Variants in BECN1 observed in about 807,000 individuals in gnomAD.
BECN1 encodes the protein beclin-1.
Under a neutral mutation model 60.1 loss-of-function variants are expected in BECN1, and 15 were observed. The observed-to-expected ratio is 0.25, with a 90% CI of 0.17 to 0.38. The LOEUF (loss-of-function observed/expected upper bound fraction) is 0.38, where lower values mean the gene tolerates loss of function less well. Ranked by LOEUF, BECN1 falls within the 10% of genes least tolerant of loss-of-function variation. BECN1 has a pLI of 1.00. For synonymous variants in BECN1, 179 were observed against 201.8 expected, an observed-to-expected ratio of 0.89 and a Z score of 0.96; for missense variants, 424 against 548.2, an observed-to-expected ratio of 0.77 and a Z score of 2.26.
chr17:42,818,082 G>A, intron 7 of BECN1, 139 bp downstream of exon 7: 3 of 847,928 alleles, frequency 3.5e-6, no homozygotes, highest in Non-Finnish European at 3.6e-6. Context: ...GGGCATGGAA[G>A]CAATATGCAG....
chr17:42,815,836 G>A, intron 8 of BECN1, 72 bp downstream of exon 8: 1 of 1,593,262 alleles, frequency 6.3e-7, no homozygotes, highest in Non-Finnish European at 8.6e-7. Flanking sequence ...TGGGAAGTGG[G>A]CACCCAGGCT....
intron 10 of BECN1, among the ~76,000 whole-genome samples, chr17:42,813,031 A>G (rs2055063102): frequency 7.1e-6 from 1 of 141,056 alleles, no homozygotes; most frequent in Non-Finnish European, 1.5e-5. Context: ...TTTTTAGTAG[A>G]GACGGGGTTT....
intron 2 of BECN1, among the ~76,000 whole-genome samples, chr17:42,823,154 C>T (rs1054562359): frequency 2.0e-5 from 3 of 152,160 alleles, no homozygotes; most frequent in Non-Finnish European, 4.4e-5. Context: ...CTTGGTATTA[C>T]TATATAGTAA....
chr17:42,810,638 T>C lies in BECN1; in HGVS notation c.*122A>G. On this transcript the variant is annotated 3_prime_UTR_variant, in exon 12 of 12. Transcript: ENST00000590099. ...TTAAAATAAAGTGGCTTTTGTGGAT[T>C]TTTTCTTTTTTGGTATTGTAAACAT... 1 of 1,092,260 alleles carries C rather than the reference T, an allele frequency of 9.2e-7. No individual in the cohort carries two copies. Among genetic ancestry groups the C allele is most frequent in the South Asian group, 2.1e-5 (1 of 46,562 alleles). The allele number at this position is 1,092,260 out of a possible 1,614,324, so 67.7% of individuals were successfully genotyped here. A position where few individuals can be genotyped will look rare whatever the true frequency, so the allele number is the denominator to read the frequency against.
At chr17:42,813,667 A>C in intron 10 of BECN1, 1 of 244,598 alleles carries the variant, frequency 4.1e-6, no homozygotes, top group Non-Finnish European at 7.8e-6. Flanking sequence ...GGTGATACTC[A>C]ACCTGTAAAC....
intron 3 of BECN1, 35 bp from the exon 4 acceptor site, chr17:42,819,644 C>T (rs1460656657): frequency 1.2e-6 from 2 of 1,604,780 alleles, no homozygotes; most frequent in African/African-American, 1.3e-5. Flanking sequence ...ACAACTCTGG[C>T]AGCTTAGAGG....
In BECN1 at chr17:42,811,916, T is replaced by C. The variant is rs1188925542; in HGVS notation, c.1042-119A>G. The C allele has an allele frequency of 1.6e-5, 20 of 1,243,338 alleles. No individual in the cohort carries two copies. The East Asian group carries it at 4.6e-4, about 28-fold the overall frequency. The allele number at this position is 1,243,338 out of a possible 1,614,324, so 77.0% of individuals were successfully genotyped here. On this transcript the variant is annotated intron_variant, in intron 10 of 11. Coordinates refer to ENST00000590099, the MANE Select transcript of BECN1 (RefSeq NM_001313998.2). ...GTCTGTATCCCACTGGAAACTTGTA[T>C]TGTAGCTGGACTCTATCTTCCATAG...
intron 10 of BECN1, 96 bp from the exon 11 acceptor site, chr17:42,811,893 C>G: frequency 7.0e-7 from 1 of 1,421,504 alleles, no homozygotes; most frequent in South Asian, 1.4e-5. Flanking sequence ...CATGTTCTGT[C>G]TGTATCCCAC....
In BECN1 at chr17:42,810,220, CT is replaced by C. The variant is rs1231672583; in HGVS notation, c.*539del. 6.5e-6 allele frequency: 1 copy of C among 152,888 alleles called. No homozygotes were observed. Among genetic ancestry groups the C allele is most frequent in the African/African-American group, 2.4e-5 (1 of 41,412 alleles). 9.5% of individuals were successfully genotyped at this position (152,888 alleles called of 1,614,324 possible). A position where few individuals can be genotyped will look rare whatever the true frequency, so the allele number is the denominator to read the frequency against. ...AACAGTATCAAACACCATTTCATAT[CT>C]CTAACACAGAGCAGAGTCGGCATTC... is the stretch of plus-strand genomic sequence containing the variant. On this transcript the variant is annotated 3_prime_UTR_variant, in exon 12 of 12. Coordinates refer to ENST00000590099, the MANE Select transcript of BECN1 (RefSeq NM_001313998.2).
chr17:42,819,274 G>C, intron 4 of BECN1: 1 of 482,202 alleles, frequency 2.1e-6, no homozygotes, highest in Non-Finnish European at 3.7e-6. Flanking sequence ...CTTCTCAAGA[G>C]CCCATCTCTT....
chr17:42,818,799 G>A lies in BECN1; in HGVS notation c.339C>T (p.Ser113=). 6.2e-7 allele frequency: 1 copy of A among 1,614,164 alleles called. No homozygotes were observed. Among genetic ancestry groups the A allele is most frequent in the Non-Finnish European group, 8.5e-7 (1 of 1,180,042 alleles). Residue 113 remains serine, a synonymous_variant, in exon 5 of 12, where the codon AGC becomes AGT. Coordinates refer to ENST00000590099, the MANE Select transcript of BECN1 (RefSeq NM_001313998.2). The stretch of plus-strand genomic sequence containing the variant: ...GGGGCCGACTTGCCTTCAGTCTTCG[G>A]CTGAGGTTCTCCATGGTGCCGCCAT... ...ASDGGTMENL[S]RRLKVTGDLF... is the part of the protein sequence containing the mutation.
chr17:42,810,496 AG>A lies in BECN1; in HGVS notation c.*263del, dbSNP rs1328223343. The A allele has an allele frequency of 3.3e-5, 9 of 276,072 alleles. No individual in the cohort carries two copies. The highest frequency in any genetic ancestry group is 6.6e-5 in the African/African-American group (3 of 45,770). The allele number at this position is 276,072 out of a possible 1,614,324, so 17.1% of individuals were successfully genotyped here. On this transcript the variant is annotated 3_prime_UTR_variant, in exon 12 of 12. Transcript: ENST00000590099. Reference sequence around the variant, plus strand: ...AAAAAAAGAAAAGCAAATTTAAATTAGTTTTTTTCAGAGAAGAAAGGGAAAG... The same window carrying A: ...AAAAAAAGAAAAGCAAATTTAAATTATTTTTTTCAGAGAAGAAAGGGAAAG...
At position 42,811,765 on chromosome 17, in the gene BECN1, C is replaced by A. The variant is rs1433463701; in HGVS notation, c.1074G>T (p.Arg358=). 1.5e-5 allele frequency: 25 copies of A among 1,614,138 alleles called. No homozygotes were observed. Among genetic ancestry groups the A allele is most frequent in the Non-Finnish European group, 2.1e-5 (25 of 1,180,020 alleles). The change falls in exon 11 of 12, where the codon CGG becomes CGT. Residue 358 remains arginine (R), a synonymous_variant. Coordinates refer to ENST00000590099, the MANE Select transcript of BECN1 (RefSeq NM_001313998.2). The part of the protein sequence containing the change: ...ELPLYCSGGL[R]FFWDNKFDHA... ...GGTCAAACTTGTTGTCCCAGAAAAA[C>A]CGCAACCCCCCAGAACAGTATAACG...
chr17:42,823,786 A>C lies in BECN1; in HGVS notation c.92T>G (p.Phe31Cys). 6.2e-7 allele frequency: 1 copy of C among 1,614,084 alleles called. No individual in the cohort carries two copies. The highest frequency in any genetic ancestry group is 8.5e-7 in the Non-Finnish European group (1 of 1,179,986). The stretch of plus-strand genomic sequence containing the variant: ...GATGGTGACACGGTCCAGGATCTTG[A>C]AACTCGTGTCCAGTTTCAGGGGCTG... Reference protein sequence around the residue: ...CSQPLKLDTSFKILDRVTIQE... With the variant: ...CSQPLKLDTSCKILDRVTIQE... The change falls in exon 2 of 12, where the codon TTC becomes TGC. Residue 31 changes from phenylalanine to cysteine, a missense_variant. Phe to Cys is a radical substitution (Grantham distance 205). Transcript: ENST00000590099.
chr17:42,811,874 C>A, intron 10 of BECN1, 77 bp from the exon 11 acceptor site: 1 of 1,532,302 alleles, frequency 6.5e-7, no homozygotes, highest in Non-Finnish European at 8.8e-7. Flanking sequence ...TCCTATCAAT[C>A]TCTCAAGTCA....
chr17:42,811,715 C>G lies in BECN1; in HGVS notation c.1124G>C (p.Cys375Ser). The G allele has an allele frequency of 1.2e-6, 2 of 1,614,202 alleles. No individual in the cohort carries two copies. The highest frequency in any genetic ancestry group is 1.7e-6 in the Non-Finnish European group (2 of 1,180,046). Residue 375 changes from cysteine (C) to serine (S), a missense_variant, in exon 11 of 12, where the codon TGT becomes TCT. By Grantham distance (112) the Cys-to-Ser change is moderately radical. Coordinates refer to ENST00000590099, the MANE Select transcript of BECN1 (RefSeq NM_001313998.2). Reference sequence around the variant, plus strand: ...AACCTCTTCTTTGAACTGCTGCACACAGTCCAGGAAAGCCACCATTGCATG... The same window carrying G: ...AACCTCTTCTTTGAACTGCTGCACAGAGTCCAGGAAAGCCACCATTGCATG... ...FDHAMVAFLD[C>S]VQQFKEEVEK...
In BECN1 at chr17:42,810,627, CT is replaced by C; in HGVS notation, c.*132del. Reference sequence around the variant, plus strand: ...CACATGATATTTTAAAATAAAGTGGCTTTTGTGGATTTTTTCTTTTTTGGTA... The same window carrying C: ...CACATGATATTTTAAAATAAAGTGGCTTTGTGGATTTTTTCTTTTTTGGTA... On this transcript the variant is annotated 3_prime_UTR_variant, in exon 12 of 12. Transcript: ENST00000590099. 1 of 951,848 alleles carries C rather than the reference CT, an allele frequency of 1.1e-6. No individual in the cohort carries two copies. The allele number at this position is 951,848 out of a possible 1,614,324, so 59.0% of individuals were successfully genotyped here.
intron 2 of BECN1, 74 bp from the exon 3 acceptor site, chr17:42,820,915 A>G: frequency 7.4e-7 from 1 of 1,350,768 alleles, no homozygotes; most frequent in Non-Finnish European, 1.0e-6. Context: ...ATGGGAAAAG[A>G]ATGTGAAATA....
In BECN1 at chr17:42,810,907, C is replaced by T. The variant is rs374703075; in HGVS notation, c.1206G>A (p.Lys402=). ...CGCCACTGCCTCCTGTGTCTTCAATCTTGCCTTTCTCCACATCCATCCTGC... is the reference window on the plus strand; with the variant it reads ...CGCCACTGCCTCCTGTGTCTTCAATTTTGCCTTTCTCCACATCCATCCTGC... ...LPYRMDVEKG[K]IEDTGGSGGS... is the part of the protein sequence containing the mutation. Residue 402 remains lysine (K), a synonymous_variant, in exon 12 of 12, where the codon AAG becomes AAA. Coordinates refer to ENST00000590099, the MANE Select transcript of BECN1 (RefSeq NM_001313998.2). 6.2e-7 allele frequency: 1 copy of T among 1,610,658 alleles called. No homozygotes were observed. The highest frequency in any genetic ancestry group is 1.3e-5 in the African/African-American group (1 of 74,904).
Sources: gnomAD v4.1 joint callset for allele counts (sites outside exome capture counted in the v4.1 genomes callset) on GRCh38, gnomAD v4.1.1 for gene constraint, MANE v1.5 for transcripts, NCBI Gene and HGNC (gene_info 2026-07-23, HGNC 2026-07-21) for gene names.